BBX: variants seen among roughly 807,000 people sequenced by gnomAD.
BBX encodes BBX high mobility group box domain containing.
Under a neutral mutation model 100.2 loss-of-function variants are expected in BBX, and 30 were observed. The observed-to-expected ratio is 0.30, with a 90% CI of 0.22 to 0.41. BBX has a LOEUF of 0.41. Ranked by LOEUF, BBX falls within the 10% of genes least tolerant of loss-of-function variation. BBX has a pLI of 1.00. For missense variants in BBX, 1,023 were observed against 1,129.8 expected, an observed-to-expected ratio of 0.91 and a Z score of 1.35; for synonymous variants, 376 against 388.1, an observed-to-expected ratio of 0.97 and a Z score of 0.37.
chr3:107,665,037 G>A (rs2058667248), intron 3 of BBX, among the ~76,000 whole-genome samples: 1 of 152,090 alleles, frequency 6.6e-6, no homozygotes, highest in African/African-American at 2.4e-5. Context: ...GGTACTTCGT[G>A]TTTTATAATT....
intron 2 of BBX, among the ~76,000 whole-genome samples, chr3:107,636,580 T>A (rs927950097): frequency 1.3e-5 from 2 of 152,222 alleles, no homozygotes; most frequent in Admixed American, 1.3e-4. Context: ...CTCAGGCTGC[T>A]TCAGGATAAG....
chr3:107,663,702 T>C (rs931170903), intron 3 of BBX, among the ~76,000 whole-genome samples: 1 of 152,186 alleles, frequency 6.6e-6, no homozygotes, highest in African/African-American at 2.4e-5. Context: ...GTCTTTGTAA[T>C]TCATTTATTG....
intron 15 of BBX, among the ~76,000 whole-genome samples, chr3:107,795,441 G>C (rs748666383): frequency 2.0e-5 from 3 of 152,120 alleles, no homozygotes; most frequent in Non-Finnish European, 4.4e-5. Context: ...ACATTAGTCT[G>C]GACCCTTATC....
At chr3:107,689,834 G>T (rs2060049599) in intron 3 of BBX, among the ~76,000 whole-genome samples, 1 of 152,170 alleles carries the variant, frequency 6.6e-6, no homozygotes, top group Non-Finnish European at 1.5e-5. Context: ...TCAGATGGAA[G>T]AAAGTACCTG....
At chr3:107,595,527 A>G (rs561341722) in intron 2 of BBX, among the ~76,000 whole-genome samples, 29 of 152,252 alleles carry the variant, frequency 1.9e-4, no homozygotes, top group Non-Finnish European at 3.7e-4. Context: ...TAGTGCAGAA[A>G]TAACTAATGA....
intron 10 of BBX, among the ~76,000 whole-genome samples, chr3:107,761,729 A>G (rs1053460835): frequency 2.0e-5 from 3 of 152,188 alleles, no homozygotes; most frequent in African/African-American, 7.2e-5. Context: ...CAATAATAGA[A>G]GAGTGGAAAA....
At chr3:107,580,418 C>T (rs1465334734) in intron 2 of BBX, among the ~76,000 whole-genome samples, 1 of 152,056 alleles carries the variant, frequency 6.6e-6, no homozygotes, top group Non-Finnish European at 1.5e-5. Context: ...ATTATACAAG[C>T]ACATTCATGT....
intron 2 of BBX, among the ~76,000 whole-genome samples, chr3:107,635,078 T>C (rs1414138401): frequency 5.9e-5 from 9 of 152,212 alleles, no homozygotes; most frequent in Non-Finnish European, 1.5e-5. Context: ...TCATATATAT[T>C]GTATGATACC....
chr3:107,774,674 G>A (rs141059106), intron 11 of BBX, 45 bp from the exon 12 acceptor site: 23 of 1,588,756 alleles, frequency 1.4e-5, no homozygotes, highest in South Asian at 5.8e-5. Flanking sequence ...ATCTCCCCTC[G>A]CCCACCTGTA....
intron 9 of BBX, among the ~76,000 whole-genome samples, chr3:107,750,448 T>C (rs928382853): frequency 6.6e-6 from 1 of 152,244 alleles, no homozygotes; most frequent in Non-Finnish European, 1.5e-5. Flanking sequence ...CTACAAGATA[T>C]AACTTTTCCT....
chr3:107,711,346 G>C, intron 4 of BBX: 1 of 471,050 alleles, frequency 2.1e-6, no homozygotes, highest in Non-Finnish European at 4.4e-6. Flanking sequence ...TCAGAAATGA[G>C]AATGGTGCCT....
intron 3 of BBX, among the ~76,000 whole-genome samples, chr3:107,646,967 A>G (rs1187629862): frequency 6.6e-6 from 1 of 152,140 alleles, no homozygotes; most frequent in African/African-American, 2.4e-5. Flanking sequence ...TAAAATGTAT[A>G]TGATTTACTT....
chr3:107,737,297 A>C (rs1030858781), intron 7 of BBX, among the ~76,000 whole-genome samples: 1 of 58,512 alleles, frequency 1.7e-5, no homozygotes, highest in East Asian at 5.0e-4. Flanking sequence ...ACATGCATAC[A>C]TACACACAGA....
chr3:107,729,916 T>C (rs770818121), intron 6 of BBX, among the ~76,000 whole-genome samples: 24 of 152,082 alleles, frequency 1.6e-4, no homozygotes, highest in Admixed American at 9.2e-4. Flanking sequence ...TTCTATATAA[T>C]CTACAAAAAA....
chr3:107,634,175 C>T (rs2056720247), intron 2 of BBX, among the ~76,000 whole-genome samples: 1 of 152,168 alleles, frequency 6.6e-6, no homozygotes, highest in African/African-American at 2.4e-5. Context: ...GATGACAATG[C>T]TTACTTATGT....
At chr3:107,707,728 T>C (rs1200194988) in intron 3 of BBX, among the ~76,000 whole-genome samples, 1 of 152,164 alleles carries the variant, frequency 6.6e-6, no homozygotes, top group Non-Finnish European at 1.5e-5. Context: ...TGCGATTATT[T>C]TGAACCCAGA....
At chr3:107,620,181 A>G (rs1383393980) in intron 2 of BBX, among the ~76,000 whole-genome samples, 1 of 151,986 alleles carries the variant, frequency 6.6e-6, no homozygotes, top group African/African-American at 2.4e-5. Flanking sequence ...TGTTGAGCCC[A>G]TTTGTTAAAT....
chr3:107,628,256 A>G (rs1168422758), intron 2 of BBX, among the ~76,000 whole-genome samples: 4 of 152,224 alleles, frequency 2.6e-5, no homozygotes, highest in African/African-American at 9.6e-5. Flanking sequence ...GGTATAAAGG[A>G]TTCCATATTT....
At chr3:107,798,467 C>T in intron 15 of BBX, 56 bp from the exon 16 acceptor site, 1 of 1,521,296 alleles carries the variant, frequency 6.6e-7, no homozygotes, top group African/African-American at 1.4e-5. Context: ...CTTCTAAGAG[C>T]AATTTTGGTG....
Sources: allele counts gnomAD v4.1 joint callset (sites outside exome capture counted in the v4.1 genomes callset), GRCh38; gene constraint gnomAD v4.1.1; transcripts MANE v1.5; gene names NCBI Gene and HGNC (gene_info 2026-07-23, HGNC 2026-07-21).